The following C8orf34 variants were observed in gnomAD, a reference collection of about 807,000 sequenced individuals.
The protein encoded by C8orf34 is chromosome 8 open reading frame 34.
A neutral mutation model predicts 68.3 loss-of-function variants in C8orf34; 65 were observed. That is an observed-to-expected ratio of 0.95 (90% confidence interval 0.78 to 1.17). The LOEUF is 1.17. Ranked by LOEUF, C8orf34 falls within the 50% of genes most tolerant of loss-of-function variation. The pLI is 0.00. For missense variants in C8orf34, 664 were observed against 655.4 expected, an observed-to-expected ratio of 1.01 and a Z score of -0.14; for synonymous variants, 244 against 241.2, an observed-to-expected ratio of 1.01 and a Z score of -0.11.
chr8:68,359,796 C>G (rs1806907280), intron 1 of C8orf34, among the ~76,000 whole-genome samples: 1 of 152,072 alleles, frequency 6.6e-6, no homozygotes, highest in Non-Finnish European at 1.5e-5. Context: ...ATACCATAAG[C>G]ACAAAGGGAC....
At chr8:68,368,643 T>G (rs969489484) in intron 1 of C8orf34, among the ~76,000 whole-genome samples, 1 of 152,184 alleles carries the variant, frequency 6.6e-6, no homozygotes, top group Admixed American at 6.6e-5. Flanking sequence ...CTTCTCTCAA[T>G]AGTTGGCTAA....
intron 8 of C8orf34, among the ~76,000 whole-genome samples, chr8:68,641,699 G>A (rs192802146): frequency 6.6e-6 from 1 of 152,150 alleles, no homozygotes; most frequent in East Asian, 1.9e-4. Context: ...AGAAGACTGG[G>A]ATATGAGGTG....
At chr8:68,557,778 A>G (rs1586370888) in intron 7 of C8orf34, among the ~76,000 whole-genome samples, 1 of 152,186 alleles carries the variant, frequency 6.6e-6, no homozygotes, top group East Asian at 1.9e-4. Flanking sequence ...TTTCTACTTA[A>G]CATTCACTCT....
intron 11 of C8orf34, among the ~76,000 whole-genome samples, chr8:68,786,007 T>G (rs1427183634): frequency 6.6e-6 from 1 of 152,218 alleles, no homozygotes; most frequent in Non-Finnish European, 1.5e-5. Context: ...GGTGTCATGT[T>G]TCTTAAGTAT....
At chr8:68,530,675 T>C in intron 6 of C8orf34, 1 of 1,093,396 alleles carries the variant, frequency 9.1e-7, no homozygotes, top group Non-Finnish European at 1.2e-6. Context: ...TCCTTCCATT[T>C]TCAAGTGAAT....
intron 7 of C8orf34, among the ~76,000 whole-genome samples, chr8:68,560,144 GTT>G (rs56070682): frequency 0.014 from 1,961 of 144,100 alleles, 45 homozygotes; most frequent in African/African-American, 0.045. Context: ...TGATTCTGGT[GTT>G]TTTTTTTTTT....
chr8:68,739,587 G>A (rs891137920), intron 10 of C8orf34, among the ~76,000 whole-genome samples: 2 of 152,010 alleles, frequency 1.3e-5, no homozygotes, highest in South Asian at 2.1e-4. Context: ...AAAGAAATCA[G>A]AGATGACACA....
intron 1 of C8orf34, among the ~76,000 whole-genome samples, chr8:68,400,694 A>G (rs928817253): frequency 1.3e-5 from 2 of 152,056 alleles, no homozygotes; most frequent in Admixed American, 6.6e-5. Flanking sequence ...CTGAGTAGCT[A>G]GGACTACAAG....
At chr8:68,675,275 T>C (rs918339418) in intron 8 of C8orf34, among the ~76,000 whole-genome samples, 1 of 152,130 alleles carries the variant, frequency 6.6e-6, no homozygotes, top group South Asian at 2.1e-4. Context: ...CATAATATTA[T>C]AATACTGTAA....
chr8:68,676,297 G>A (rs1011363929), intron 8 of C8orf34, among the ~76,000 whole-genome samples: 1 of 151,968 alleles, frequency 6.6e-6, no homozygotes, highest in African/African-American at 2.4e-5. Flanking sequence ...TCTTGCCACT[G>A]CATTTCAGTT....
intron 9 of C8orf34, among the ~76,000 whole-genome samples, chr8:68,710,619 C>T (rs1484523853): frequency 6.6e-6 from 1 of 152,122 alleles, no homozygotes; most frequent in African/African-American, 2.4e-5. Context: ...ACAGCAGAAA[C>T]AGCAAGCCCC....
intron 1 of C8orf34, among the ~76,000 whole-genome samples, chr8:68,400,424 C>A (rs1243615156): frequency 6.7e-6 from 1 of 150,200 alleles, no homozygotes; most frequent in Non-Finnish European, 1.5e-5. Context: ...GCAAAGTTCC[C>A]CAGCACTATT....
intron 3 of C8orf34, among the ~76,000 whole-genome samples, chr8:68,460,248 G>A (rs1010317653): frequency 7.2e-5 from 11 of 152,308 alleles, no homozygotes; most frequent in East Asian, 3.9e-4. Context: ...AGGGGCGCCC[G>A]CCATTGCCCA....
chr8:68,800,554 T>C (rs575520422), intron 12 of C8orf34, among the ~76,000 whole-genome samples: 1 of 152,326 alleles, frequency 6.6e-6, no homozygotes, highest in South Asian at 2.1e-4. Flanking sequence ...TATTTTTAAT[T>C]CTGTAAAACT....
intron 1 of C8orf34, among the ~76,000 whole-genome samples, chr8:68,406,692 C>T (rs532295016): frequency 2.1e-4 from 32 of 152,022 alleles, no homozygotes; most frequent in South Asian, 1.2e-3. Context: ...GACAGGGTTT[C>T]GCCATGTTGC....
Position 68,727,346 on chromosome 8 carries a change from C to T in C8orf34, c.1404+5909C>T, listed in dbSNP as rs1180838765. ...TCCCACGGTCTTGGGCAGTTCCACC[C>T]CTATGGCTTTGCAGGGCACACCCTC... On this transcript the variant is annotated intron_variant, in intron 10 of 13. Transcript: ENST00000518698. 3.9e-5 allele frequency among the ~76,000 whole-genome samples: 6 copies of T among 152,198 alleles called. No homozygotes were observed. The South Asian group carries it at 8.3e-4, about 21-fold the overall frequency.
rs151120416 is a variant in C8orf34 at position 68,784,346 on chromosome 8, C to G, written c.1456-3097C>G. On this transcript the variant is annotated intron_variant, in intron 11 of 13. Coordinates refer to ENST00000518698, the MANE Select transcript of C8orf34 (RefSeq NM_052958.4). ...GACCACAGAGGTAAAATTTAATTTT[C>G]ATCACATCCTGTCAAGGGTACATCC... is the stretch of plus-strand genomic sequence containing the variant. 1.1e-4 allele frequency among the ~76,000 whole-genome samples: 16 copies of G among 152,322 alleles called. No individual in the cohort carries two copies. In the East Asian group the frequency reaches 2.1e-3, roughly 20 times the overall value.
At chr8:68,756,121 T>A (rs985588355) in intron 10 of C8orf34, among the ~76,000 whole-genome samples, 2 of 150,852 alleles carry the variant, frequency 1.3e-5, no homozygotes, top group African/African-American at 2.4e-5. Context: ...CAAATGTAGA[T>A]GGACAGTGCA....
At chr8:68,741,546 A>G (rs1822294292) in intron 10 of C8orf34, among the ~76,000 whole-genome samples, 1 of 152,162 alleles carries the variant, frequency 6.6e-6, no homozygotes. Flanking sequence ...GTGCTAGCAA[A>G]TACTAGGTCT....
Sources: allele counts gnomAD v4.1 joint callset (sites outside exome capture counted in the v4.1 genomes callset), GRCh38; gene constraint gnomAD v4.1.1; transcripts MANE v1.5; gene names NCBI Gene and HGNC (gene_info 2026-07-23, HGNC 2026-07-21).